Variants in IL3RA observed in about 807,000 individuals in gnomAD.
The protein encoded by IL3RA is interleukin-3 receptor subunit alpha.
In IL3RA, 73 loss-of-function variants were observed where a neutral mutation model predicts 52.3. That is an observed-to-expected ratio of 1.40 (90% CI 1.16 to 1.70). The LOEUF is 1.70. Among genes scored for constraint, IL3RA ranks in the 40% most tolerant of loss-of-function variants. IL3RA has a pLI of 0.00. For synonymous variants in IL3RA, 260 were observed against 194.0 expected (o/e 1.34, Z -2.83); for missense variants, 664 against 504.4 (o/e 1.32, Z -3.03).
chrX:1,363,413 G>A (rs1467612880), intron 8 of IL3RA, among the ~76,000 whole-genome samples: 1 of 150,428 alleles, frequency 6.6e-6, no homozygotes, highest in Non-Finnish European at 1.5e-5. Flanking sequence ...CCACTCTCCT[G>A]CCTCAGCCTC....
At chrX:1,345,741 C>T (rs1201934898) in intron 3 of IL3RA, among the ~76,000 whole-genome samples, 2 of 151,864 alleles carry the variant, frequency 1.3e-5, no homozygotes, top group African/African-American at 2.4e-5. Flanking sequence ...CTGCCCGCCT[C>T]GGCCTCCCAA....
In IL3RA at chrX:1,345,356, G is replaced by C. The variant is rs748578803; in HGVS notation, c.105G>C (p.Lys35Asn). The C allele has an allele frequency of 1.9e-6, 3 of 1,611,420 alleles. No homozygotes were observed. Among genetic ancestry groups the C allele is most frequent in the South Asian group, 2.2e-5 (2 of 90,816 alleles). Residue 35 changes from lysine (K) to asparagine (N), a missense_variant, in exon 3 of 12, where the codon AAG becomes AAC. Lys to Asn is a moderately conservative substitution (Grantham distance 94). Transcript: ENST00000331035. ...TCACGAACCTAAGGATGAAAGCAAA[G>C]GCTCAGCAGTTGACCTGGGACCTTA... ...PPITNLRMKA[K>N]AQQLTWDLNR...
intron 2 of IL3RA, 90 bp downstream of exon 2, chrX:1,341,919 C>G: frequency 7.3e-7 from 1 of 1,367,876 alleles, no homozygotes; most frequent in Non-Finnish European, 1.0e-6. Context: ...TTCAGGGAAA[C>G]TTTTCATGCT....
chrX:1,358,248 G>A lies in IL3RA; in HGVS notation c.733-613G>A, dbSNP rs191898351. Among the ~76,000 whole-genome samples the A allele has an allele frequency of 3.7e-3, 567 of 152,288 alleles. 2 individuals are homozygous for A. Among genetic ancestry groups the A allele is most frequent in the Non-Finnish European group, 5.5e-3 (372 of 68,024 alleles). The stretch of plus-strand genomic sequence containing the variant: ...CTACCTAGTTCGCTGGCCTGGCATA[G>A]GCTGTCTGTGGCTACCCCTGAGTGC... On this transcript the variant is annotated intron_variant, in intron 7 of 11. Coordinates refer to ENST00000331035, the MANE Select transcript of IL3RA (RefSeq NM_002183.4).
intron 8 of IL3RA, among the ~76,000 whole-genome samples, chrX:1,359,859 TTC>T (rs1242134193): frequency 5.0e-5 from 7 of 138,924 alleles, no homozygotes; most frequent in African/African-American, 1.9e-4. Context: ...CCCCATCTCT[TTC>T]TCTGTGTCTG....
chrX:1,362,169 T>TCC lies in IL3RA; in HGVS notation c.760-2968_760-2967insCC, dbSNP rs752126630. Among the ~76,000 whole-genome samples, 226 of 151,098 alleles carry TCC rather than the reference T, an allele frequency of 1.5e-3. 1 individual carries two copies. The highest frequency in any genetic ancestry group is 5.4e-3 in the African/African-American group (220 of 40,978). On this transcript the variant is annotated intron_variant, in intron 8 of 11. Coordinates refer to ENST00000331035, the MANE Select transcript of IL3RA (RefSeq NM_002183.4). ...GTTTTTCTGTTTTTCTCTTTCCCTCTCTCTTTGTATCTATGTCTTTCTGTC... is the reference window on the plus strand; with the variant it reads ...GTTTTTCTGTTTTTCTCTTTCCCTCTCCCTCTTTGTATCTATGTCTTTCTGTC...
At position 1,342,812 on chromosome X, in the gene IL3RA, G is replaced by C. The variant is rs1366434170; in HGVS notation, c.64+983G>C. ...CTGACCTCATGATCCGCCTGCCTCG[G>C]GGTTGGGATTACACACTTTGGGAGG... On this transcript the variant is annotated intron_variant, in intron 2 of 11. Coordinates refer to ENST00000331035, the MANE Select transcript of IL3RA (RefSeq NM_002183.4). Among the ~76,000 whole-genome samples, 6 of 151,384 alleles carry C rather than the reference G, an allele frequency of 4.0e-5. No individual in the cohort carries two copies. In the South Asian group the frequency reaches 1.3e-3, roughly 32 times the overall value.
intron 2 of IL3RA, among the ~76,000 whole-genome samples, chrX:1,343,344 G>C (rs2085568131): frequency 6.6e-6 from 1 of 151,890 alleles, no homozygotes; most frequent in Admixed American, 6.6e-5. Context: ...TTCTAGCTTT[G>C]GGTGACCAGC....
At chrX:1,362,148 T>TTC (rs377580272) in intron 8 of IL3RA, among the ~76,000 whole-genome samples, 2,050 of 131,034 alleles carry the variant, frequency 0.016, 44 homozygotes, top group African/African-American at 0.065. Context: ...GTTTCTGTTT[T>TTC]TCTGTTTTTC....
chrX:1,366,999 G>C (rs2088126281), intron 9 of IL3RA, among the ~76,000 whole-genome samples: 1 of 14,936 alleles, frequency 6.7e-5, no homozygotes, highest in Non-Finnish European at 1.0e-4. Flanking sequence ...CCGGGTGCGC[G>C]GGGTGAGCGG....
chrX:1,344,987 G>A (rs778161349), intron 2 of IL3RA, among the ~76,000 whole-genome samples: 10 of 134,454 alleles, frequency 7.4e-5, no homozygotes, highest in Admixed American at 2.4e-4. Context: ...ACGGTGAAAC[G>A]CCATCTCTAC....
rs760518972 is a variant in IL3RA, at chrX:1,343,666, C to CAAAAAAA, written c.65-1637_65-1631dup. On this transcript the variant is annotated intron_variant, in intron 2 of 11. Transcript: ENST00000331035. Reference sequence around the variant, plus strand: ...TGGGTGACAGAGCGAGGCTCCATCTCAAAAAAAAAAAAAAAAAAAGAATAT... The same window carrying CAAAAAAA: ...TGGGTGACAGAGCGAGGCTCCATCTCAAAAAAAAAAAAAAAAAAAAAAAAAAGAATAT... 6.3e-3 allele frequency among the ~76,000 whole-genome samples: 432 copies of CAAAAAAA among 68,596 alleles called. 5 individuals carry two copies. Among genetic ancestry groups the CAAAAAAA allele is most frequent in the African/African-American group, 0.018 (403 of 22,038 alleles). The allele number at this position is 68,596 out of a possible 152,430, so 45.0% of individuals were successfully genotyped here. A position where few individuals can be genotyped will look rare whatever the true frequency, so the allele number is the denominator to read the frequency against.
In IL3RA at chrX:1,356,036, G is replaced by A. The variant is rs187749130; in HGVS notation, c.617-185G>A. Reference sequence around the variant, plus strand: ...TCACTCCTCCCAGTGCCCCCAACGCGGCTCAGTCCTGTGTCTCTGCCTGTA... The same window carrying A: ...TCACTCCTCCCAGTGCCCCCAACGCAGCTCAGTCCTGTGTCTCTGCCTGTA... On this transcript the variant is annotated intron_variant, in intron 6 of 11. Transcript: ENST00000331035. Among the ~76,000 whole-genome samples the A allele has an allele frequency of 2.0e-5, 3 of 152,160 alleles. No homozygotes were observed. The East Asian group carries it at 5.8e-4, about 29-fold the overall frequency.
At chrX:1,354,433 C>T (rs538064233) in intron 6 of IL3RA, among the ~76,000 whole-genome samples, 4 of 144,380 alleles carry the variant, frequency 2.8e-5, no homozygotes, top group African/African-American at 7.8e-5. Context: ...GAGGGGGAAA[C>T]GAGGAAGAGG....
At chrX:1,350,116 T>G (rs2086017389) in intron 4 of IL3RA, among the ~76,000 whole-genome samples, 1 of 152,114 alleles carries the variant, frequency 6.6e-6, no homozygotes, top group African/African-American at 2.4e-5. Context: ...TGCAGGGATA[T>G]AAGCAGGAGT....
chrX:1,364,641 TAC>T (rs1272006881), intron 8 of IL3RA, among the ~76,000 whole-genome samples: 1 of 149,992 alleles, frequency 6.7e-6, no homozygotes, highest in Non-Finnish European at 1.5e-5. Context: ...TGGTAATTTT[TAC>T]AGTTTTTTTT....
At chrX:1,345,482 T>G in intron 3 of IL3RA, 48 bp downstream of exon 3, 1 of 1,210,612 alleles carries the variant, frequency 8.3e-7, no homozygotes, top group East Asian at 2.7e-5. Flanking sequence ...TATTTATTTA[T>G]GTATTTATGT....
chrX:1,379,925 T>TA (rs2089059627), intron 10 of IL3RA, among the ~76,000 whole-genome samples: 1 of 152,208 alleles, frequency 6.6e-6, no homozygotes, highest in African/African-American at 2.4e-5. Context: ...CACGCCTGGC[T>TA]AATTTTGTAT....
intron 8 of IL3RA, among the ~76,000 whole-genome samples, chrX:1,360,680 A>C (rs2087194435): frequency 2.1e-5 from 3 of 143,008 alleles, no homozygotes; most frequent in Admixed American, 2.0e-4. Flanking sequence ...CACCATGCCC[A>C]ACTAACTTTT....
Sources: gnomAD v4.1 joint callset for allele counts (sites outside exome capture counted in the v4.1 genomes callset) on GRCh38, gnomAD v4.1.1 for gene constraint, MANE v1.5 for transcripts, NCBI Gene and HGNC (gene_info 2026-07-23, HGNC 2026-07-21) for gene names.